The following CCDC66 variants were observed in gnomAD, a reference collection of about 807,000 sequenced individuals.
CCDC66 encodes coiled-coil domain containing 66.
In CCDC66, 133 loss-of-function variants were observed where a neutral mutation model predicts 128.3. The ratio of observed to expected loss-of-function variants is 1.04; its 90% CI spans 0.90 to 1.20. The LOEUF (loss-of-function observed/expected upper bound fraction) is 1.20, where lower values mean the gene tolerates loss of function less well. Among genes scored for constraint, CCDC66 ranks in the 50% most tolerant of loss-of-function variants. The pLI is 0.00. For synonymous variants in CCDC66, 387 were observed against 357.0 expected (o/e 1.08, Z -0.95); for missense variants, 1,126 against 1,075.5 (o/e 1.05, Z -0.66).
chr3:56,564,259 CT>C (rs2065491526), intron 4 of CCDC66, 134 bp downstream of exon 4: 1 of 644,738 alleles, frequency 1.6e-6, no homozygotes, highest in Non-Finnish European at 2.5e-6. Context: ...AATAATTGTT[CT>C]TTTAGAGGAC....
chr3:56,593,521 T>G lies in CCDC66; in HGVS notation c.1099T>G (p.Phe367Val). Residue 367 changes from phenylalanine to valine, a missense_variant, in exon 9 of 18, where the codon TTT (phenylalanine) becomes GTT (valine). By Grantham distance (50) the Phe-to-Val change is conservative. Transcript: ENST00000394672. ...GEEHDRWAMH[F>V]DSLKSYPGSQ... ...GGAACATGACAGATGGGCAATGCAC[T>G]TTGATTCATTAAAGAGTTATCCTGG... 1 of 1,614,204 alleles carries G rather than the reference T, an allele frequency of 6.2e-7. No homozygotes were observed. The highest frequency in any genetic ancestry group is 8.5e-7 in the Non-Finnish European group (1 of 1,180,018).
intron 7 of CCDC66, among the ~76,000 whole-genome samples, chr3:56,576,233 A>G (rs966992444): frequency 3.5e-4 from 53 of 151,266 alleles, no homozygotes; most frequent in African/African-American, 1.3e-3. Context: ...TTCAGTGTAC[A>G]AGTCTTACTC....
chr3:56,581,040 G>A (rs1402949237), intron 7 of CCDC66, among the ~76,000 whole-genome samples: 1 of 151,748 alleles, frequency 6.6e-6, no homozygotes, highest in East Asian at 2.0e-4. Flanking sequence ...ATCACTTTCA[G>A]GTACACGAGA....
chr3:56,595,379 T>A (rs1312215832), intron 10 of CCDC66, among the ~76,000 whole-genome samples: 1 of 152,142 alleles, frequency 6.6e-6, no homozygotes, highest in Non-Finnish European at 1.5e-5. Flanking sequence ...TTAACCTACC[T>A]CTCTTGATCA....
chr3:56,562,571 C>T (rs911359723), intron 3 of CCDC66, among the ~76,000 whole-genome samples: 8 of 152,070 alleles, frequency 5.3e-5, no homozygotes, highest in Non-Finnish European at 1.2e-4. Context: ...TACCTCTGCA[C>T]GTGAGAATCA....
intron 10 of CCDC66, among the ~76,000 whole-genome samples, chr3:56,603,066 A>G (rs2073473421): frequency 6.6e-6 from 1 of 151,380 alleles, no homozygotes. Flanking sequence ...CAATCTCCCA[A>G]CCTCGTGATC....
At chr3:56,578,043 A>G (rs1416807534) in intron 7 of CCDC66, among the ~76,000 whole-genome samples, 1 of 151,838 alleles carries the variant, frequency 6.6e-6, no homozygotes, top group East Asian at 2.0e-4. Context: ...GATTCTTCCT[A>G]TCCATGAGTA....
rs747792581 is a variant in CCDC66, at chr3:56,621,582, T to C, written c.2811T>C (p.Ala937=). ...KELESSLLPL[A]ENQEESFGSS... ...TGGAAAGTAGTCTCCTGCCTTTAGC[T>C]GAAAATCAAGAAGAGAGTTTTGGTT... The change falls in exon 18 of 18, where the codon GCT becomes GCC. Residue 937 remains alanine, a synonymous_variant. Transcript: ENST00000394672. The C allele has an allele frequency of 1.9e-6, 3 of 1,601,388 alleles. No individual in the cohort carries two copies. Among genetic ancestry groups the C allele is most frequent in the Non-Finnish European group, 2.6e-6 (3 of 1,174,528 alleles).
rs555779129 is a variant in CCDC66 at position 56,587,662 on chromosome 3, G to A, written c.937-5308G>A. Among the ~76,000 whole-genome samples, 27 of 152,326 alleles carry A rather than the reference G, an allele frequency of 1.8e-4. No homozygotes were observed. In the East Asian group the frequency reaches 5.2e-3, roughly 29 times the overall value. ...TAGGCAGGCGGATTACCTGAGGTCA[G>A]GAGTTCGAGACCAGCCTGGCTAATA... is the stretch of plus-strand genomic sequence containing the variant. On this transcript the variant is annotated intron_variant, in intron 7 of 17. Coordinates refer to ENST00000394672, the MANE Select transcript of CCDC66 (RefSeq NM_001141947.3).
chr3:56,612,599 T>C (rs1176839032), intron 10 of CCDC66, among the ~76,000 whole-genome samples: 2 of 152,100 alleles, frequency 1.3e-5, no homozygotes, highest in Admixed American at 1.3e-4. Context: ...ATGGCAGTAG[T>C]AGTAGTGGGA....
chr3:56,574,498 C>T (rs896276244), intron 7 of CCDC66, among the ~76,000 whole-genome samples: 5 of 151,660 alleles, frequency 3.3e-5, no homozygotes, highest in Admixed American at 2.7e-4. Context: ...CAGTTGTTTT[C>T]AGAAATCCCA....
Position 56,619,349 on chromosome 3 carries a change from C to G in CCDC66, c.2457C>G (p.Asn819Lys). 1.2e-6 allele frequency: 2 copies of G among 1,613,446 alleles called. No individual in the cohort carries two copies. Among genetic ancestry groups the G allele is most frequent in the East Asian group, 2.2e-5 (1 of 44,834 alleles). Residue 819 changes from asparagine (N) to lysine (K), a missense_variant, in exon 16 of 18, where the codon AAC becomes AAG. By Grantham distance (94) the Asn-to-Lys change is moderately conservative. Transcript: ENST00000394672. Reference protein sequence around the residue: ...TQNTLHLPLKNSSYERENLIS... With the variant: ...TQNTLHLPLKKSSYERENLIS... The stretch of plus-strand genomic sequence containing the variant: ...ATACATTACATTTACCACTAAAAAA[C>G]AGTAGCTATGAGAGAGAGAATTTGA...
At chr3:56,576,304 T>G (rs1198909021) in intron 7 of CCDC66, among the ~76,000 whole-genome samples, 1 of 151,368 alleles carries the variant, frequency 6.6e-6, no homozygotes, top group African/African-American at 2.4e-5. Flanking sequence ...TATATATTTT[T>G]CTTTTTATTG....
chr3:56,612,003 T>TG (rs2107314027), intron 10 of CCDC66, among the ~76,000 whole-genome samples: 1 of 152,342 alleles, frequency 6.6e-6, no homozygotes, highest in South Asian at 2.1e-4. Flanking sequence ...GGTCTGTTCT[T>TG]GCAGTTGATC....
chr3:56,618,497 G>A, intron 15 of CCDC66: 1 of 321,084 alleles, frequency 3.1e-6, no homozygotes, highest in Non-Finnish European at 5.7e-6. Flanking sequence ...AGCAGAATAG[G>A]CATTCTGCTT....
At chr3:56,617,972 T>C in intron 14 of CCDC66, 200 bp from the exon 15 acceptor site, 2 of 603,628 alleles carry the variant, frequency 3.3e-6, no homozygotes, top group Non-Finnish European at 5.9e-6. Flanking sequence ...ATAGTCCACA[T>C]AGACAGAGGT....
chr3:56,618,761 A>C (rs1240838722), intron 15 of CCDC66: 1 of 157,240 alleles, frequency 6.4e-6, no homozygotes, highest in Admixed American at 6.3e-5. Context: ...GTTCCTCAGG[A>C]TCTAGGAATT....
At chr3:56,588,635 A>G (rs1445851102) in intron 7 of CCDC66, among the ~76,000 whole-genome samples, 1 of 152,202 alleles carries the variant, frequency 6.6e-6, no homozygotes, top group Non-Finnish European at 1.5e-5. Flanking sequence ...GTCATCTCCC[A>G]CCAGGCCCTA....
At chr3:56,557,399 C>A in intron 1 of CCDC66, 146 bp downstream of exon 1, 1 of 1,106,324 alleles carries the variant, frequency 9.0e-7, no homozygotes, top group Non-Finnish European at 1.3e-6. Context: ...GCCCAGTTCT[C>A]GGGTAGAAGA....
Sources: allele counts gnomAD v4.1 joint callset (sites outside exome capture counted in the v4.1 genomes callset), GRCh38; gene constraint gnomAD v4.1.1; transcripts MANE v1.5; gene names NCBI Gene and HGNC (gene_info 2026-07-23, HGNC 2026-07-21).